The following PCDH9 variants were observed in gnomAD, a reference collection of about 807,000 sequenced individuals.
PCDH9 encodes the protein protocadherin-9.
A neutral mutation model predicts 70.6 loss-of-function variants in PCDH9; 24 were observed. The observed-to-expected ratio is 0.34, with a 90% CI of 0.25 to 0.48. The LOEUF (loss-of-function observed/expected upper bound fraction) is 0.48, where lower values mean the gene tolerates loss of function less well. Ranked by LOEUF, PCDH9 falls within the 20% of genes least tolerant of loss-of-function variation. PCDH9 has a pLI of 0.99. For missense variants in PCDH9, 1,281 were observed against 1,503.6 expected, an observed-to-expected ratio of 0.85 and a Z score of 2.45; for synonymous variants, 562 against 558.5, an observed-to-expected ratio of 1.01 and a Z score of -0.09.
At chr13:66,945,055 G>A (rs537600341) in intron 2 of PCDH9, among the ~76,000 whole-genome samples, 1 of 152,038 alleles carries the variant, frequency 6.6e-6, no homozygotes, top group Non-Finnish European at 1.5e-5. Flanking sequence ...ATTATTTTGA[G>A]AAACTGCAGA....
At chr13:66,510,275 A>G (rs1042952006) in intron 4 of PCDH9, among the ~76,000 whole-genome samples, 2 of 152,054 alleles carry the variant, frequency 1.3e-5, no homozygotes, top group Admixed American at 1.3e-4. Flanking sequence ...TCTACTGCTC[A>G]AGAATCTAAT....
At chr13:66,761,567 G>C (rs573986945) in intron 3 of PCDH9, among the ~76,000 whole-genome samples, 53 of 152,018 alleles carry the variant, frequency 3.5e-4, no homozygotes, top group African/African-American at 1.3e-3. Flanking sequence ...GACTCTATGA[G>C]TTTAAATAAC....
At chr13:67,039,996 A>G (rs1335814931) in intron 2 of PCDH9, among the ~76,000 whole-genome samples, 1 of 152,124 alleles carries the variant, frequency 6.6e-6, no homozygotes, top group African/African-American at 2.4e-5. Context: ...GTGTGGAAAA[A>G]AGAAAAAAAA....
At chr13:66,777,790 C>G (rs1207306197) in intron 3 of PCDH9, among the ~76,000 whole-genome samples, 3 of 152,048 alleles carry the variant, frequency 2.0e-5, no homozygotes, top group Non-Finnish European at 4.4e-5. Context: ...GGGTATATAC[C>G]CAAAGGACTA....
intron 4 of PCDH9, among the ~76,000 whole-genome samples, chr13:66,403,798 C>A (rs759903568): frequency 2.3e-4 from 35 of 152,034 alleles, no homozygotes; most frequent in Non-Finnish European, 4.3e-4. Flanking sequence ...GCAAAGAATG[C>A]CTTACTATTA....
chr13:66,780,200 A>C (rs1347888303), intron 3 of PCDH9, among the ~76,000 whole-genome samples: 1 of 152,146 alleles, frequency 6.6e-6, no homozygotes, highest in African/African-American at 2.4e-5. Flanking sequence ...ATCCCATAAC[A>C]TCACGCTGTA....
At chr13:67,166,029 C>G (rs929519187) in intron 2 of PCDH9, among the ~76,000 whole-genome samples, 1 of 151,946 alleles carries the variant, frequency 6.6e-6, no homozygotes, top group African/African-American at 2.4e-5. Flanking sequence ...ATCTTTTTTT[C>G]TCTTGAGTTA....
intron 3 of PCDH9, among the ~76,000 whole-genome samples, chr13:66,731,171 G>A (rs1366404473): frequency 2.0e-5 from 3 of 151,980 alleles, no homozygotes; most frequent in African/African-American, 7.3e-5. Flanking sequence ...AAGAGGAAAT[G>A]ATGACAATCA....
chr13:66,785,440 T>A (rs2080064505), intron 3 of PCDH9, among the ~76,000 whole-genome samples: 1 of 152,022 alleles, frequency 6.6e-6, no homozygotes, highest in South Asian at 2.1e-4. Context: ...GATTTTTTTT[T>A]ATTTTACTGA....
intron 4 of PCDH9, among the ~76,000 whole-genome samples, chr13:66,395,198 C>T (rs1355256868): frequency 6.6e-6 from 1 of 152,166 alleles, no homozygotes; most frequent in African/African-American, 2.4e-5. Flanking sequence ...TAGAGGTACT[C>T]CTCATTTTTG....
intron 4 of PCDH9, among the ~76,000 whole-genome samples, chr13:66,442,907 A>G (rs1958002681): frequency 6.6e-6 from 1 of 152,188 alleles, no homozygotes; most frequent in African/African-American, 2.4e-5. Context: ...TAAGTTAGCA[A>G]TATGTGTAAA....
intron 3 of PCDH9, among the ~76,000 whole-genome samples, chr13:66,678,044 A>G (rs561870199): frequency 6.6e-6 from 1 of 152,268 alleles, no homozygotes; most frequent in East Asian, 1.9e-4. Context: ...TTATTCAACA[A>G]TCATGAACAG....
intron 2 of PCDH9, among the ~76,000 whole-genome samples, chr13:67,150,594 T>C (rs1425210321): frequency 6.6e-6 from 1 of 152,218 alleles, no homozygotes; most frequent in Non-Finnish European, 1.5e-5. Context: ...ATAAGTATTT[T>C]AAGTCATGTG....
At chr13:66,349,266 T>G (rs1956258457) in intron 4 of PCDH9, among the ~76,000 whole-genome samples, 1 of 152,128 alleles carries the variant, frequency 6.6e-6, no homozygotes, top group African/African-American at 2.4e-5. Context: ...CATGAGGGCA[T>G]GCCTTGGTTG....
intron 4 of PCDH9, among the ~76,000 whole-genome samples, chr13:66,394,849 T>G (rs2138277826): frequency 6.6e-6 from 1 of 152,256 alleles, no homozygotes; most frequent in Non-Finnish European, 1.5e-5. Context: ...GTATAGTTAA[T>G]AAATGCAGCT....
At chr13:66,882,612 T>G (rs2139541599) in intron 3 of PCDH9, among the ~76,000 whole-genome samples, 1 of 152,322 alleles carries the variant, frequency 6.6e-6, no homozygotes, top group African/African-American at 2.4e-5. Context: ...TCAATCAGAC[T>G]ATCACTTTGA....
intron 4 of PCDH9, among the ~76,000 whole-genome samples, chr13:66,371,956 C>A (rs1395108989): frequency 2.0e-5 from 3 of 152,002 alleles, no homozygotes; most frequent in African/African-American, 7.2e-5. Context: ...GCTTGAATAG[C>A]TTTCTCCTTG....
chr13:66,997,224 C>A (rs2084135562), intron 2 of PCDH9, among the ~76,000 whole-genome samples: 1 of 152,148 alleles, frequency 6.6e-6, no homozygotes, highest in African/African-American at 2.4e-5. Context: ...GCTCATGGTT[C>A]TACAGGCTGG....
intron 2 of PCDH9, among the ~76,000 whole-genome samples, chr13:67,168,073 G>C (rs1424730316): frequency 2.0e-5 from 3 of 152,096 alleles, no homozygotes; most frequent in African/African-American, 7.2e-5. Flanking sequence ...TGGGAGAGAA[G>C]AAAACATACT....
Sources: gnomAD v4.1 joint callset for allele counts (sites outside exome capture counted in the v4.1 genomes callset) on GRCh38, gnomAD v4.1.1 for gene constraint, MANE v1.5 for transcripts, NCBI Gene and HGNC (gene_info 2026-07-23, HGNC 2026-07-21) for gene names.